FAM222A: variants seen among roughly 807,000 people sequenced by gnomAD.
FAM222A encodes protein FAM222A.
In FAM222A, 7 loss-of-function variants were observed where a neutral mutation model predicts 25.8. The ratio of observed to expected loss-of-function variants is 0.27; its 90% CI spans 0.15 to 0.51. FAM222A has a LOEUF of 0.51. Among genes scored for constraint, FAM222A ranks in the 20% least tolerant of loss-of-function variants. FAM222A has a pLI of 0.97. For missense variants in FAM222A, 573 were observed against 640.5 expected, an observed-to-expected ratio of 0.89 and a Z score of 1.14; for synonymous variants, 294 against 298.8, an observed-to-expected ratio of 0.98 and a Z score of 0.17.
At chr12:109,750,058 C>T (rs927302551) in intron 2 of FAM222A, among the ~76,000 whole-genome samples, 2 of 152,088 alleles carry the variant, frequency 1.3e-5, no homozygotes, top group Admixed American at 6.5e-5. Context: ...ATTGATATGA[C>T]ACATGTGGTC....
At chr12:109,759,878 G>A (rs772811212) in intron 2 of FAM222A, among the ~76,000 whole-genome samples, 8 of 152,198 alleles carry the variant, frequency 5.3e-5, no homozygotes, top group Non-Finnish European at 8.8e-5. Flanking sequence ...TAGATGTCAG[G>A]GTGGTGAGAA....
intron 1 of FAM222A, among the ~76,000 whole-genome samples, chr12:109,721,828 G>A (rs943255035): frequency 6.6e-6 from 1 of 152,172 alleles, no homozygotes; most frequent in Non-Finnish European, 1.5e-5. Context: ...CTGAGAGCTA[G>A]GTCCTTCCTG....
At chr12:109,765,823 G>A (rs1950484414) in intron 2 of FAM222A, among the ~76,000 whole-genome samples, 1 of 152,222 alleles carries the variant, frequency 6.6e-6, no homozygotes, top group Non-Finnish European at 1.5e-5. Context: ...GGTGGCATGA[G>A]TCCCCTGCCC....
intron 2 of FAM222A, chr12:109,744,763 T>C (rs1235099575): frequency 1.0e-6 from 1 of 985,276 alleles, no homozygotes; most frequent in Non-Finnish European, 1.2e-6. Context: ...TATCATAATT[T>C]CTTTTTTAAT....
rs748470704 is a variant in FAM222A, at chr12:109,769,316, C to A, written c.*28C>A. On this transcript the variant is annotated 3_prime_UTR_variant, in exon 3 of 3. Coordinates refer to ENST00000538780, the MANE Select transcript of FAM222A (RefSeq NM_032829.3). Reference sequence around the variant, plus strand: ...CCTGCCCTGCGGACATACGGACATGCGGACAGGGCGCAGAGCCGGGAGGCA... The same window carrying A: ...CCTGCCCTGCGGACATACGGACATGAGGACAGGGCGCAGAGCCGGGAGGCA... 10 of 1,568,136 alleles carry A rather than the reference C, an allele frequency of 6.4e-6. No homozygotes were observed. The East Asian group carries it at 1.7e-4, about 26-fold the overall frequency.
At chr12:109,719,168 G>T (rs1887703867) in intron 1 of FAM222A, among the ~76,000 whole-genome samples, 2 of 152,236 alleles carry the variant, frequency 1.3e-5, no homozygotes, top group Admixed American at 1.3e-4. Context: ...ATGTAATCAT[G>T]CCTGGATACA....
Position 109,768,021 on chromosome 12 carries a change from T to C in FAM222A, c.92T>C (p.Val31Ala), listed in dbSNP as rs755623645. 2 of 1,612,270 alleles carry C rather than the reference T, an allele frequency of 1.2e-6. No individual in the cohort carries two copies. The highest frequency in any genetic ancestry group is 2.2e-5 in the South Asian group (2 of 91,034). Residue 31 changes from valine (V) to alanine (A), a missense_variant, in exon 3 of 3, where the codon GTG (valine) becomes GCG (alanine). Physicochemically the swap from Val to Ala is moderately conservative, Grantham distance 64. This residue lies in a region of FAM222A where 112 missense variants were observed against 154.6 expected (regional missense o/e 0.72). Coordinates refer to ENST00000538780, the MANE Select transcript of FAM222A (RefSeq NM_032829.3). ...TGCTTTCCTCCCACAGGCGAGGCGGTGGCCAGCGCCATGCATTCCTCCCGC... is the reference window on the plus strand; with the variant it reads ...TGCTTTCCTCCCACAGGCGAGGCGGCGGCCAGCGCCATGCATTCCTCCCGC... ...KSLELRKCEA[V>A]ASAMHSSRYP...
At chr12:109,716,388 G>C (rs977193786) in intron 1 of FAM222A, among the ~76,000 whole-genome samples, 8 of 152,194 alleles carry the variant, frequency 5.3e-5, no homozygotes, top group African/African-American at 1.9e-4. Context: ...GTGTGTGTTC[G>C]GGTCATTAGG....
chr12:109,767,942 C>T (rs1401678808), intron 2 of FAM222A, 70 bp from the exon 3 acceptor site: 8 of 1,465,730 alleles, frequency 5.5e-6, no homozygotes, highest in Non-Finnish European at 6.5e-6. Context: ...GGGGGCGGGA[C>T]TCGTGAGCCC....
chr12:109,727,381 G>T (rs1025649256), intron 1 of FAM222A, among the ~76,000 whole-genome samples: 4 of 152,178 alleles, frequency 2.6e-5, no homozygotes, highest in African/African-American at 9.7e-5. Flanking sequence ...GCCCTCCACA[G>T]AGGTTTGGCC....
chr12:109,732,029 C>T (rs536532655), intron 1 of FAM222A, among the ~76,000 whole-genome samples: 24 of 152,166 alleles, frequency 1.6e-4, no homozygotes, highest in Non-Finnish European at 3.1e-4. Context: ...GTGGACACAA[C>T]CTTCTCACGC....
chr12:109,760,035 G>A (rs546357146), intron 2 of FAM222A, among the ~76,000 whole-genome samples: 1 of 152,344 alleles, frequency 6.6e-6, no homozygotes, highest in East Asian at 1.9e-4. Flanking sequence ...AGGAGAGCCA[G>A]TGGGCCAGGG....
At chr12:109,746,749 AG>A (rs1005319587) in intron 2 of FAM222A, among the ~76,000 whole-genome samples, 81 of 152,308 alleles carry the variant, frequency 5.3e-4, no homozygotes, top group African/African-American at 1.8e-3. Flanking sequence ...CATCACCTCA[AG>A]AAGAAAACCG....
chr12:109,728,746 C>T (rs1437823029), intron 1 of FAM222A, among the ~76,000 whole-genome samples: 9 of 152,194 alleles, frequency 5.9e-5, no homozygotes, highest in African/African-American at 1.4e-4. Context: ...AAGTTGGAAC[C>T]AAAGATCCAG....
intron 1 of FAM222A, among the ~76,000 whole-genome samples, chr12:109,742,372 G>A (rs557393159): frequency 3.3e-4 from 51 of 152,382 alleles, no homozygotes; most frequent in African/African-American, 1.2e-3. Flanking sequence ...GAGAGGAGCA[G>A]CACTGCCTTC....
chr12:109,762,186 T>C (rs1023425087), intron 2 of FAM222A, among the ~76,000 whole-genome samples: 3 of 152,206 alleles, frequency 2.0e-5, no homozygotes. Context: ...TGTAGCTGTG[T>C]ACTAACCCAA....
intron 2 of FAM222A, among the ~76,000 whole-genome samples, chr12:109,758,670 T>C (rs1888803017): frequency 6.6e-6 from 1 of 152,086 alleles, no homozygotes; most frequent in Non-Finnish European, 1.5e-5. Context: ...GCGACCTCAT[T>C]AGGGATTCTG....
chr12:109,723,210 GA>G (rs1363776920), intron 1 of FAM222A, among the ~76,000 whole-genome samples: 2 of 152,198 alleles, frequency 1.3e-5, no homozygotes, highest in African/African-American at 4.8e-5. Flanking sequence ...GAAGCCCTCT[GA>G]AAAGGTTCCC....
intron 2 of FAM222A, among the ~76,000 whole-genome samples, chr12:109,753,933 G>C (rs969530504): frequency 6.6e-6 from 1 of 152,258 alleles, no homozygotes; most frequent in Admixed American, 6.5e-5. Flanking sequence ...GGGATGGAAG[G>C]AAGGTCTGGG....
Sources: allele counts gnomAD v4.1 joint callset (sites outside exome capture counted in the v4.1 genomes callset), GRCh38; gene constraint gnomAD v4.1.1; regional missense constraint gnomAD v4.1.1; transcripts MANE v1.5; gene names NCBI Gene and HGNC (gene_info 2026-07-23, HGNC 2026-07-21).